The following STX8 variants were observed in gnomAD, a reference collection of about 807,000 sequenced individuals.
STX8 encodes syntaxin-8.
In STX8, 23 loss-of-function variants were observed where a neutral mutation model predicts 37.5. That is an observed-to-expected ratio of 0.61 (90% CI 0.44 to 0.87). The LOEUF (loss-of-function observed/expected upper bound fraction) is 0.87. Among genes scored for constraint, STX8 ranks in the 40% least tolerant of loss-of-function variants. The pLI is 0.00. For missense variants in STX8, 313 were observed against 284.7 expected, an observed-to-expected ratio of 1.10 and a Z score of -0.71; for synonymous variants, 115 against 99.1, an observed-to-expected ratio of 1.16 and a Z score of -0.95.
intron 6 of STX8, among the ~76,000 whole-genome samples, chr17:9,431,690 G>A (rs1913990495): frequency 1.3e-5 from 2 of 152,174 alleles, no homozygotes; most frequent in Non-Finnish European, 2.9e-5. Flanking sequence ...TTTACTAACT[G>A]AGAAAAGTAA....
At chr17:9,396,552 A>C (rs962201011) in intron 6 of STX8, among the ~76,000 whole-genome samples, 1 of 152,106 alleles carries the variant, frequency 6.6e-6, no homozygotes, top group Non-Finnish European at 1.5e-5. Flanking sequence ...CTCTATTAAA[A>C]ATACAAAATT....
chr17:9,461,659 G>A (rs2142421033), intron 6 of STX8, among the ~76,000 whole-genome samples: 2 of 152,234 alleles, frequency 1.3e-5, no homozygotes, highest in Middle Eastern at 6.8e-3. Flanking sequence ...CCAGTTTCAT[G>A]GAAGACAATT....
At chr17:9,256,479 A>G (rs1567756595) in intron 7 of STX8, among the ~76,000 whole-genome samples, 1 of 152,236 alleles carries the variant, frequency 6.6e-6, no homozygotes, top group Non-Finnish European at 1.5e-5. Context: ...CAGAACAGTG[A>G]TGAGCCCATC....
At chr17:9,450,141 C>T (rs899873366) in intron 6 of STX8, among the ~76,000 whole-genome samples, 8 of 151,686 alleles carry the variant, frequency 5.3e-5, no homozygotes, top group South Asian at 4.1e-4. Context: ...TGCAGTGGTG[C>T]GATCTTGGCT....
intron 7 of STX8, among the ~76,000 whole-genome samples, chr17:9,376,813 T>C (rs1257718701): frequency 6.6e-6 from 1 of 151,944 alleles, no homozygotes; most frequent in Non-Finnish European, 1.5e-5. Flanking sequence ...ACTGCGAGGG[T>C]CCACAGCTTC....
intron 6 of STX8, among the ~76,000 whole-genome samples, chr17:9,487,333 G>C (rs1429852348): frequency 6.6e-6 from 1 of 152,128 alleles, no homozygotes; most frequent in African/African-American, 2.4e-5. Context: ...GATACTTGCA[G>C]CCAATGTGCT....
intron 6 of STX8, among the ~76,000 whole-genome samples, chr17:9,438,981 G>T (rs1904544693): frequency 6.6e-6 from 1 of 152,026 alleles, no homozygotes; most frequent in African/African-American, 2.4e-5. Context: ...AACATGGCTG[G>T]TTTTTGTTTG....
rs562215421 is a variant in STX8, at chr17:9,380,090, C to T, written c.542-1437G>A. 2.7e-3 allele frequency among the ~76,000 whole-genome samples: 416 copies of T among 152,090 alleles called. 3 individuals carry two copies. The highest frequency in any genetic ancestry group is 9.6e-3 in the African/African-American group (396 of 41,464). On this transcript the variant is annotated intron_variant, in intron 6 of 7. Coordinates refer to ENST00000306357, the MANE Select transcript of STX8 (RefSeq NM_004853.3). ...CATATATAGTATAGTACGATCTTAA[C>T]TATGTAAAATTATTTGTATCCATCT...
intron 6 of STX8, among the ~76,000 whole-genome samples, chr17:9,489,020 G>A (rs889025195): frequency 5.3e-5 from 8 of 152,152 alleles, no homozygotes; most frequent in African/African-American, 1.7e-4. Flanking sequence ...GGGACTACAG[G>A]CGCCTGCCAC....
intron 5 of STX8, among the ~76,000 whole-genome samples, chr17:9,500,177 T>C (rs558231366): frequency 2.2e-4 from 34 of 152,160 alleles, no homozygotes; most frequent in Non-Finnish European, 4.7e-4. Context: ...AATTTCACTG[T>C]GAAAAGGGAA....
intron 3 of STX8, among the ~76,000 whole-genome samples, chr17:9,556,292 G>C (rs1906961036): frequency 6.6e-6 from 1 of 151,904 alleles, no homozygotes; most frequent in South Asian, 2.1e-4. Flanking sequence ...CCAAAAATTG[G>C]GTCTTTGGCA....
At chr17:9,492,345 T>C in intron 5 of STX8, among the ~76,000 whole-genome samples, 1 of 152,206 alleles carries the variant, frequency 6.6e-6, no homozygotes, top group East Asian at 1.9e-4. Flanking sequence ...AAACTACTTT[T>C]TTTGGCTTAT....
intron 6 of STX8, among the ~76,000 whole-genome samples, chr17:9,485,077 C>T (rs1195082756): frequency 6.6e-6 from 1 of 151,954 alleles, no homozygotes; most frequent in Non-Finnish European, 1.5e-5. Flanking sequence ...CTGCTTAAGC[C>T]CAGGAATTCA....
intron 6 of STX8, among the ~76,000 whole-genome samples, chr17:9,459,828 T>C (rs1007991083): frequency 2.0e-5 from 3 of 152,242 alleles, no homozygotes; most frequent in Middle Eastern, 3.2e-3. Context: ...ATGCTGGCTC[T>C]TAAGCACAGA....
At chr17:9,518,573 G>C (rs1300504818) in intron 4 of STX8, among the ~76,000 whole-genome samples, 3 of 152,100 alleles carry the variant, frequency 2.0e-5, no homozygotes, top group African/African-American at 7.2e-5. Context: ...CAGGCTGTAG[G>C]AACAGATGCT....
At chr17:9,285,656 C>A (rs1220648927) in intron 7 of STX8, among the ~76,000 whole-genome samples, 1 of 152,188 alleles carries the variant, frequency 6.6e-6, no homozygotes, top group Admixed American at 6.5e-5. Context: ...AAACAGTGAT[C>A]ACCCTGGTTA....
At chr17:9,527,797 A>C (rs1205051130) in intron 4 of STX8, among the ~76,000 whole-genome samples, 1 of 152,200 alleles carries the variant, frequency 6.6e-6, no homozygotes, top group Non-Finnish European at 1.5e-5. Context: ...AAATGCCACA[A>C]CTTTTAAGAA....
chr17:9,478,569 T>C (rs1050455344), intron 6 of STX8, among the ~76,000 whole-genome samples: 10 of 152,192 alleles, frequency 6.6e-5, no homozygotes, highest in African/African-American at 2.4e-4. Flanking sequence ...AGACTATTGA[T>C]TGTGACTAAA....
At chr17:9,537,651 C>T (rs1041071175) in intron 4 of STX8, among the ~76,000 whole-genome samples, 6 of 152,140 alleles carry the variant, frequency 3.9e-5, no homozygotes, top group South Asian at 2.1e-4. Flanking sequence ...CTGGATGTTA[C>T]GGAAGATACA....
Sources: allele counts gnomAD v4.1 joint callset (sites outside exome capture counted in the v4.1 genomes callset), GRCh38; gene constraint gnomAD v4.1.1; transcripts MANE v1.5; gene names NCBI Gene and HGNC (gene_info 2026-07-23, HGNC 2026-07-21).